COL22A1: variants seen among roughly 807,000 people sequenced by gnomAD.
The protein encoded by COL22A1 is collagen type XXII alpha 1 chain, also known as collagen alpha-1(XXII) chain.
In COL22A1, 221 loss-of-function variants were observed where a neutral mutation model predicts 248.9. The ratio of observed to expected loss-of-function variants is 0.89; its 90% confidence interval spans 0.80 to 0.99. The LOEUF (loss-of-function observed/expected upper bound fraction) is 0.99. Among genes scored for constraint, COL22A1 ranks in the 50% least tolerant of loss-of-function variants. The pLI is 0.00. For synonymous variants in COL22A1, 891 were observed against 793.4 expected (o/e 1.12, Z -2.07); for missense variants, 2,240 against 2,179.0 (o/e 1.03, Z -0.56).
At chr8:138,651,103 C>T (rs1185432482) in intron 45 of COL22A1, among the ~76,000 whole-genome samples, 7 of 152,164 alleles carry the variant, frequency 4.6e-5, no homozygotes, top group Admixed American at 4.6e-4. Context: ...AATGGCCCAC[C>T]TTCCTTTTAC....
rs1824193165 is a variant in COL22A1, at chr8:138,663,737, G to A, written c.3154C>T (p.Pro1052Ser). 1 of 1,610,126 alleles carries A rather than the reference G, an allele frequency of 6.2e-7. No individual in the cohort carries two copies. The highest frequency in any genetic ancestry group is 8.5e-7 in the Non-Finnish European group (1 of 1,176,678). Reference sequence around the variant, plus strand: ...CCTTTGTCTCCTGGTGGTCCGGAAGGGCCCTAGAAACAAACAAACAAGTAT... The same window carrying A: ...CCTTTGTCTCCTGGTGGTCCGGAAGAGCCCTAGAAACAAACAAACAAGTAT... ...PGIGVAGPPG[P>S]SGPPGDKGSP... is the part of the protein sequence containing the mutation. Residue 1052 changes from proline (P) to serine (S), a missense_variant, in exon 42 of 65, where the codon CCT (proline) becomes TCT (serine). By Grantham distance (74) the Pro-to-Ser change is moderately conservative (BLOSUM62 -1). Coordinates refer to ENST00000303045, the MANE Select transcript of COL22A1 (RefSeq NM_152888.3).
intron 24 of COL22A1, among the ~76,000 whole-genome samples, chr8:138,725,125 C>T (rs1483571709): frequency 6.6e-6 from 1 of 152,244 alleles, no homozygotes; most frequent in Admixed American, 6.5e-5. Flanking sequence ...CAACCCCAGG[C>T]TAACATGCCT....
intron 41 of COL22A1, among the ~76,000 whole-genome samples, chr8:138,664,162 G>T (rs1824236266): frequency 2.0e-5 from 3 of 148,784 alleles, no homozygotes; most frequent in Admixed American, 6.7e-5. Context: ...GTCTGAGGCT[G>T]CAGTAGTCAT....
At chr8:138,855,624 A>G (rs1413340026) in intron 3 of COL22A1, among the ~76,000 whole-genome samples, 2 of 152,082 alleles carry the variant, frequency 1.3e-5, no homozygotes, top group Admixed American at 6.5e-5. Context: ...GCTCTTTTTG[A>G]ATCCCCCCAG....
chr8:138,648,838 T>C lies in COL22A1; in HGVS notation c.3447+827A>G, dbSNP rs111509839. On this transcript the variant is annotated intron_variant, in intron 46 of 64. Transcript: ENST00000303045. ...ATCTAAGATGAACGTATGTGACAAA[T>C]AGCACTGTCAAGACTTCCTACTTGA... Among the ~76,000 whole-genome samples the C allele has an allele frequency of 5.1e-3, 780 of 152,120 alleles. 1 individual carries two copies. Among genetic ancestry groups the C allele is most frequent in the African/African-American group, 0.017 (710 of 41,488 alleles).
chr8:138,596,681 C>G (rs775003219), intron 62 of COL22A1, among the ~76,000 whole-genome samples: 1 of 152,180 alleles, frequency 6.6e-6, no homozygotes, highest in East Asian at 1.9e-4. Flanking sequence ...CTCTCCTTCA[C>G]TAGAGGTAAC....
chr8:138,619,577 G>C, intron 52 of COL22A1, 69 bp from the exon 53 acceptor site: 1 of 1,459,166 alleles, frequency 6.9e-7, no homozygotes, highest in Non-Finnish European at 9.6e-7. Flanking sequence ...CTGGCTCTCT[G>C]TGTTTCCTAC....
Position 138,630,763 on chromosome 8 carries a change from GC to G in COL22A1, c.3610-16del. On this transcript the variant is annotated splice_polypyrimidine_tract_variant and intron_variant, in intron 49 of 64. Coordinates refer to ENST00000303045, the MANE Select transcript of COL22A1 (RefSeq NM_152888.3). Reference sequence around the variant, plus strand: ...CCATCTGCCCCCTAAAAAAGACAAGGCAGAAAGCTAGTTTCTTGTGCATCTA... The same window carrying G: ...CCATCTGCCCCCTAAAAAAGACAAGGAGAAAGCTAGTTTCTTGTGCATCTA... 1.2e-6 allele frequency: 2 copies of G among 1,613,152 alleles called. No homozygotes were observed. Among genetic ancestry groups the G allele is most frequent in the Non-Finnish European group, 8.5e-7 (1 of 1,179,364 alleles).
intron 19 of COL22A1, 110 bp from the exon 20 acceptor site, chr8:138,755,621 G>T: frequency 7.3e-7 from 1 of 1,374,336 alleles, no homozygotes; most frequent in East Asian, 2.3e-5. Context: ...GTCATGTCGT[G>T]CCTCCTGACT....
intron 4 of COL22A1, among the ~76,000 whole-genome samples, chr8:138,835,328 A>G (rs73366882): frequency 1.1e-3 from 168 of 152,360 alleles, no homozygotes; most frequent in African/African-American, 3.8e-3. Flanking sequence ...AGTATTCAGA[A>G]GCTTCATTAT....
chr8:138,806,022 G>A (rs1219981018), intron 10 of COL22A1, among the ~76,000 whole-genome samples: 1 of 118,042 alleles, frequency 8.5e-6, no homozygotes, highest in Non-Finnish European at 1.8e-5. Context: ...GTAGGTAATG[G>A]TGTGTGGTTG....
At chr8:138,816,830 G>A (rs889949007) in intron 7 of COL22A1, among the ~76,000 whole-genome samples, 20 of 152,320 alleles carry the variant, frequency 1.3e-4, no homozygotes, top group African/African-American at 4.3e-4. Flanking sequence ...AGGTAGAGAT[G>A]TATTGATTCT....
In COL22A1 at chr8:138,755,853, C is replaced by T. The variant is rs78594630; in HGVS notation, c.1903-24G>A. Reference sequence around the variant, plus strand: ...CCCTGCACAGAAACGACAAACATTTCAGCATAGTTACTGGTGCCACCTTCT... The same window carrying T: ...CCCTGCACAGAAACGACAAACATTTTAGCATAGTTACTGGTGCCACCTTCT... On this transcript the variant is annotated intron_variant, in intron 18 of 64. Coordinates refer to ENST00000303045, the MANE Select transcript of COL22A1 (RefSeq NM_152888.3). 2.8e-3 allele frequency: 4,574 copies of T among 1,611,558 alleles called. 129 individuals are homozygous for T. The African/African-American group carries it at 0.053, about 19-fold the overall frequency.
intron 12 of COL22A1, among the ~76,000 whole-genome samples, chr8:138,791,617 C>A (rs1238091664): frequency 2.0e-5 from 3 of 152,182 alleles, no homozygotes; most frequent in African/African-American, 7.2e-5. Flanking sequence ...CCCTCCAATG[C>A]CGTGACTTCA....
At chr8:138,792,047 T>C (rs73362877) in intron 12 of COL22A1, among the ~76,000 whole-genome samples, 4,891 of 152,256 alleles carry the variant, frequency 0.032, 162 homozygotes, top group African/African-American at 0.083. Context: ...TTTTCCCCCT[T>C]TACCAAATGT....
At chr8:138,872,851 T>C (rs1823444760) in intron 3 of COL22A1, among the ~76,000 whole-genome samples, 1 of 152,218 alleles carries the variant, frequency 6.6e-6, no homozygotes, top group Non-Finnish European at 1.5e-5. Context: ...CTGAAATGCG[T>C]CTGTAATAAC....
At chr8:138,773,451 C>T (rs551135789) in intron 16 of COL22A1, among the ~76,000 whole-genome samples, 10 of 152,312 alleles carry the variant, frequency 6.6e-5, no homozygotes, top group Middle Eastern at 6.8e-3. Context: ...AGTGGGGGGT[C>T]CCACACCTTG....
intron 30 of COL22A1, among the ~76,000 whole-genome samples, chr8:138,713,048 G>T (rs1349880466): frequency 2.6e-5 from 4 of 152,208 alleles, no homozygotes; most frequent in Non-Finnish European, 5.9e-5. Flanking sequence ...AGTCATTGTG[G>T]TTGAAAGCAC....
At chr8:138,752,286 T>C (rs940323358) in intron 21 of COL22A1, among the ~76,000 whole-genome samples, 2 of 152,248 alleles carry the variant, frequency 1.3e-5, no homozygotes, top group Non-Finnish European at 2.9e-5. Context: ...TCACCACTTC[T>C]GGGTGAATTT....
Sources: gnomAD v4.1 joint callset for allele counts (sites outside exome capture counted in the v4.1 genomes callset) on GRCh38, gnomAD v4.1.1 for gene constraint, MANE v1.5 for transcripts, NCBI Gene and HGNC (gene_info 2026-07-23, HGNC 2026-07-21) for gene names.